Variants in METTL21A observed in about 807,000 individuals in gnomAD.
The protein encoded by METTL21A is methyltransferase 21A, HSPA lysine.
METTL21A carries 22 observed loss-of-function variants against 20.9 expected under a neutral mutation model. The observed-to-expected ratio is 1.05, with a 90% confidence interval of 0.75 to 1.50. The LOEUF (loss-of-function observed/expected upper bound fraction) is 1.50. Among genes scored for constraint, METTL21A ranks in the 40% most tolerant of loss-of-function variants. The pLI is 0.00. For synonymous variants in METTL21A, 93 were observed against 102.0 expected (o/e 0.91, Z 0.53); for missense variants, 271 against 266.8 (o/e 1.02, Z -0.11).
chr2:207,614,161 G>A (rs2089368109), intron 3 of METTL21A, among the ~76,000 whole-genome samples: 1 of 152,190 alleles, frequency 6.6e-6, no homozygotes, highest in Admixed American at 6.5e-5. Flanking sequence ...AGCACTTAGG[G>A]AGGCTGAGGT....
chr2:207,616,985 C>T (rs1048176519), intron 3 of METTL21A, among the ~76,000 whole-genome samples: 3 of 152,094 alleles, frequency 2.0e-5, no homozygotes, highest in East Asian at 1.9e-4. Context: ...CGGTGTCAAC[C>T]GTACATGAAG....
chr2:207,581,660 C>T (rs1036071758), downstream of METTL21A: 6 of 465,652 alleles, frequency 1.3e-5, no homozygotes, highest in East Asian at 6.6e-5. Flanking sequence ...TACAGAGTTC[C>T]GGATACCCTT....
chr2:207,607,294 C>T (rs2088259108), downstream of METTL21A, among the ~76,000 whole-genome samples: 1 of 152,018 alleles, frequency 6.6e-6, no homozygotes, highest in East Asian at 1.9e-4. Context: ...GAGGCTGAGA[C>T]AGAAGAATCG....
exon 4 of METTL21A, chr2:207,581,925 G>C: frequency 2.8e-6 from 2 of 702,846 alleles, no homozygotes; most frequent in Non-Finnish European, 2.6e-6. Context: ...ATATCCCTCA[G>C]TTTGCATTTG....
Position 207,603,465 on chromosome 2 carries a change from A to G in METTL21A, c.259+18341T>C, listed in dbSNP as rs147657658. On this transcript the variant is annotated intron_variant, in intron 3 of 3. Transcript: ENST00000425132. ...TCTTTTTTGGGGATGGGATCTCTAT[A>G]TTTTGTTGGGTTTTTTTTGCTAGTA... 4.4e-3 allele frequency: 978 copies of G among 224,818 alleles called. 5 individuals are homozygous for G. Among genetic ancestry groups the G allele is most frequent in the African/African-American group, 0.02 (918 of 44,948 alleles). 13.9% of individuals were successfully genotyped at this position (224,818 alleles called of 1,614,324 possible).
intron 3 of METTL21A, among the ~76,000 whole-genome samples, chr2:207,616,230 C>G (rs1314488913): frequency 6.6e-6 from 1 of 152,066 alleles, no homozygotes; most frequent in Non-Finnish European, 1.5e-5. Context: ...TGAGTTAGAA[C>G]TGTATCTCTG....
chr2:207,600,113 A>C (rs1019802817), intron 3 of METTL21A: 14 of 184,994 alleles, frequency 7.6e-5, no homozygotes, highest in Non-Finnish European at 1.3e-4. Context: ...AATTGCTATC[A>C]GATACAATTT....
rs1341927012 is a variant in METTL21A, at chr2:207,594,969, A to G, written c.260-12809T>C. On this transcript the variant is annotated intron_variant, in intron 3 of 3. Coordinates refer to the METTL21A transcript ENST00000425132. ...TAGTGGTTTTGATTTGCATTTCCCT[A>G]GTGATTAGTGATGTTGAGCATCTTT... Among the ~76,000 whole-genome samples the G allele has an allele frequency of 2.1e-5, 3 of 141,560 alleles. 1 individual carries two copies. Among genetic ancestry groups the G allele is most frequent in the African/African-American group, 7.8e-5 (3 of 38,480 alleles). The allele number at this position is 141,560 out of a possible 152,430, so 92.9% of individuals were successfully genotyped here.
At chr2:207,617,476 C>T (rs974885263) in intron 3 of METTL21A, among the ~76,000 whole-genome samples, 2 of 152,210 alleles carry the variant, frequency 1.3e-5, no homozygotes, top group African/African-American at 4.8e-5. Context: ...GCATCCAAGG[C>T]AGATGGGACA....
intron 3 of METTL21A, chr2:207,582,856 A>G: frequency 3.0e-6 from 1 of 329,518 alleles, no homozygotes; most frequent in South Asian, 2.3e-5. Flanking sequence ...TGGCACTACT[A>G]CTCCAGCCTG....
At chr2:207,596,330 G>A (rs1231920726) in intron 3 of METTL21A, among the ~76,000 whole-genome samples, 1 of 152,118 alleles carries the variant, frequency 6.6e-6, no homozygotes, top group South Asian at 2.1e-4. Context: ...TTATTGATAT[G>A]GATAGAATTT....
chr2:207,603,104 A>G (rs1452106743), intron 3 of METTL21A: 1 of 211,196 alleles, frequency 4.7e-6, no homozygotes, highest in Admixed American at 5.9e-5. Context: ...ATAAATAACT[A>G]TAATGAGGGA....
At chr2:207,620,773 A>G in intron 3 of METTL21A, 1 of 1,355,774 alleles carries the variant, frequency 7.4e-7, no homozygotes, top group Non-Finnish European at 9.9e-7. Flanking sequence ...CTCCCTGTCG[A>G]ATTTTGGAAA....
chr2:207,585,722 G>A (rs2083701551), intron 3 of METTL21A, among the ~76,000 whole-genome samples: 1 of 152,068 alleles, frequency 6.6e-6, no homozygotes, highest in Non-Finnish European at 1.5e-5. Context: ...AATTAAAGAG[G>A]TAAATAGTTA....
downstream of METTL21A, among the ~76,000 whole-genome samples, chr2:207,605,117 C>A (rs185814853): frequency 6.6e-6 from 1 of 152,218 alleles, no homozygotes; most frequent in East Asian, 1.9e-4. Context: ...ATGTTGAAAT[C>A]GCACATTTAA....
intron 3 of METTL21A, among the ~76,000 whole-genome samples, chr2:207,621,141 A>G (rs60232199): frequency 0.016 from 2,379 of 152,342 alleles, 62 homozygotes; most frequent in African/African-American, 0.054. Flanking sequence ...CTTGAACTAT[A>G]TATGTCAGAA....
intron 3 of METTL21A, among the ~76,000 whole-genome samples, chr2:207,582,319 A>C (rs1430140215): frequency 6.6e-6 from 1 of 152,202 alleles, no homozygotes; most frequent in Non-Finnish European, 1.5e-5. Context: ...AATCTTGTCT[A>C]CAGTAATTAT....
At chr2:207,603,768 C>T (rs1311882566) in intron 3 of METTL21A, among the ~76,000 whole-genome samples, 1 of 152,090 alleles carries the variant, frequency 6.6e-6, no homozygotes, top group Admixed American at 6.6e-5. Context: ...TCTCAGGTCC[C>T]CTTGCAATTC....
At chr2:207,622,077 C>G (rs747183549) in intron 2 of METTL21A, among the ~76,000 whole-genome samples, 160 bp from the exon 3 acceptor site, 2 of 152,136 alleles carry the variant, frequency 1.3e-5, no homozygotes, top group South Asian at 2.1e-4. Flanking sequence ...GTAACCTCCC[C>G]CTTAGAGCAA....
Sources: allele counts gnomAD v4.1 joint callset (sites outside exome capture counted in the v4.1 genomes callset), GRCh38; gene constraint gnomAD v4.1.1; transcripts MANE v1.5; gene names NCBI Gene and HGNC (gene_info 2026-07-23, HGNC 2026-07-21).